Variants in SYN3 observed in about 807,000 individuals in gnomAD.
The protein encoded by SYN3 is synapsin III, also known as synapsin-3.
Under a neutral mutation model 65.8 loss-of-function variants are expected in SYN3, and 35 were observed. That is an observed-to-expected ratio of 0.53 (90% confidence interval 0.41 to 0.70). The LOEUF (loss-of-function observed/expected upper bound fraction) is 0.70. Among genes scored for constraint, SYN3 ranks in the 30% least tolerant of loss-of-function variants. The pLI is 0.00. For synonymous variants in SYN3, 270 were observed against 292.9 expected, an observed-to-expected ratio of 0.92 and a Z score of 0.80; for missense variants, 680 against 749.0, an observed-to-expected ratio of 0.91 and a Z score of 1.08.
chr22:33,006,431 T>A lies in SYN3; in HGVS notation c.232A>T (p.Met78Leu). The A allele has an allele frequency of 2.5e-6, 4 of 1,614,170 alleles. No individual in the cohort carries two copies. The highest frequency in any genetic ancestry group is 3.4e-6 in the Non-Finnish European group (4 of 1,180,024). The change falls in exon 2 of 14, where the codon ATG (methionine) becomes TTG (leucine). Residue 78 changes from methionine to leucine, a missense_variant. Met to Leu is a conservative substitution (Grantham distance 15, BLOSUM62 2). Coordinates refer to ENST00000358763, the MANE Select transcript of SYN3 (RefSeq NM_003490.4). ...KQAPQATSGL[M>L]EPPGPSTPIV... ...GGCGTGGAGGGACCTGGAGGCTCCA[T>A]CAGTCCTGAGGTGGCCTGAGGGGCC...
chr22:32,659,215 G>T (rs2146991990), intron 6 of SYN3, among the ~76,000 whole-genome samples: 1 of 152,242 alleles, frequency 6.6e-6, no homozygotes, highest in Middle Eastern at 3.4e-3. Flanking sequence ...AAGATATTTA[G>T]ATTTTATCTA....
At chr22:32,606,283 G>A (rs1205886424) in intron 6 of SYN3, among the ~76,000 whole-genome samples, 2 of 152,170 alleles carry the variant, frequency 1.3e-5, no homozygotes, top group Non-Finnish European at 2.9e-5. Flanking sequence ...GACAGAAATG[G>A]GGCAGCCCGG....
At chr22:32,523,785 C>T (rs993042187) in intron 12 of SYN3, among the ~76,000 whole-genome samples, 7 of 152,178 alleles carry the variant, frequency 4.6e-5, no homozygotes, top group Non-Finnish European at 8.8e-5. Flanking sequence ...TGTTGAAAGC[C>T]AAGACAAGCT....
At chr22:32,529,407 A>C (rs1432158210) in intron 10 of SYN3, among the ~76,000 whole-genome samples, 4 of 152,126 alleles carry the variant, frequency 2.6e-5, no homozygotes, top group Non-Finnish European at 5.9e-5. Context: ...AAGCAGAAAC[A>C]GTAAAGGTGG....
At chr22:33,034,182 T>G (rs191815299) in intron 1 of SYN3, among the ~76,000 whole-genome samples, 3 of 141,992 alleles carry the variant, frequency 2.1e-5, no homozygotes, top group Non-Finnish European at 4.6e-5. Context: ...CAAGACTCTG[T>G]GTTAAAAAAA....
intron 4 of SYN3, among the ~76,000 whole-genome samples, chr22:32,887,439 C>T (rs570773127): frequency 6.6e-6 from 1 of 151,960 alleles, no homozygotes; most frequent in East Asian, 1.9e-4. Flanking sequence ...GAAGCCAAGG[C>T]CCTTAATCTC....
At chr22:32,517,490 G>C (rs1206759230) in intron 13 of SYN3, among the ~76,000 whole-genome samples, 1 of 152,208 alleles carries the variant, frequency 6.6e-6, no homozygotes, top group Non-Finnish European at 1.5e-5. Context: ...AGAGTTGCCA[G>C]ATTTAGCGAA....
intron 10 of SYN3, among the ~76,000 whole-genome samples, chr22:32,532,010 C>G (rs62232674): frequency 2.7e-5 from 4 of 146,762 alleles, no homozygotes; most frequent in African/African-American, 1.0e-4. Flanking sequence ...TTTTTTTTCC[C>G]TAAGACTGAA....
chr22:32,903,943 T>A (rs1163111766), intron 4 of SYN3, among the ~76,000 whole-genome samples: 1 of 152,214 alleles, frequency 6.6e-6, no homozygotes, highest in Non-Finnish European at 1.5e-5. Flanking sequence ...CCAGGCCCAG[T>A]ACATAGTAGT....
At chr22:32,862,966 T>C (rs2048587284) in intron 6 of SYN3, 3 of 152,678 alleles carry the variant, frequency 2.0e-5, no homozygotes, top group Admixed American at 2.0e-4. Context: ...TATATTGTCT[T>C]GTAATGTTGC....
Position 32,864,948 on chromosome 22 carries a change from C to T in SYN3, c.678G>A (p.Val226=). ...TATGGTTGGGGAAAAATGTTTGCTC[C>T]ACAAGCGGGAACTTCTCAGGACCCA... ...HSLGPEKFPL[V]EQTFFPNHKP... The change falls in exon 6 of 14, where the codon GTG becomes GTA. Residue 226 remains valine (V), a synonymous_variant. Coordinates refer to ENST00000358763, the MANE Select transcript of SYN3 (RefSeq NM_003490.4). 1 of 1,614,094 alleles carries T rather than the reference C, an allele frequency of 6.2e-7. No homozygotes were observed. The highest frequency in any genetic ancestry group is 8.5e-7 in the Non-Finnish European group (1 of 1,179,998).
At chr22:32,927,287 A>C (rs2050500563) in intron 4 of SYN3, among the ~76,000 whole-genome samples, 1 of 147,376 alleles carries the variant, frequency 6.8e-6, no homozygotes, top group South Asian at 2.1e-4. Context: ...TTTTTGAGAC[A>C]AGATGTTTCT....
chr22:32,627,681 A>G (rs2059687699), intron 6 of SYN3, among the ~76,000 whole-genome samples: 1 of 152,138 alleles, frequency 6.6e-6, no homozygotes, highest in Non-Finnish European at 1.5e-5. Flanking sequence ...ACACAGAGAC[A>G]TGCTCGGAAA....
intron 6 of SYN3, among the ~76,000 whole-genome samples, chr22:32,820,175 C>T (rs953221636): frequency 1.3e-5 from 2 of 152,020 alleles, no homozygotes; most frequent in African/African-American, 4.8e-5. Flanking sequence ...GCTCCTGTGC[C>T]CAAGCCCTTC....
intron 6 of SYN3, among the ~76,000 whole-genome samples, chr22:32,604,569 G>C (rs5754165): frequency 8.4e-6 from 1 of 119,642 alleles, no homozygotes; most frequent in Non-Finnish European, 1.9e-5. Context: ...TTCTAGGCCA[G>C]TCCCGTCTCA....
chr22:32,708,737 G>A (rs2060913775), intron 6 of SYN3, among the ~76,000 whole-genome samples: 1 of 152,210 alleles, frequency 6.6e-6, no homozygotes. Context: ...TCTTCCAAGA[G>A]GAAGGCACCC....
intron 2 of SYN3, among the ~76,000 whole-genome samples, chr22:32,992,035 A>C (rs994131925): frequency 6.6e-6 from 1 of 152,140 alleles, no homozygotes; most frequent in Non-Finnish European, 1.5e-5. Context: ...GCTCAAGAAG[A>C]CCCGTGCATC....
chr22:32,513,904 G>A, intron 13 of SYN3, 80 bp from the exon 14 acceptor site: 1 of 1,562,134 alleles, frequency 6.4e-7, no homozygotes, highest in Non-Finnish European at 8.7e-7. Context: ...TTGCCTGTAA[G>A]CCAGATGGGC....
intron 2 of SYN3, among the ~76,000 whole-genome samples, chr22:32,987,490 A>G (rs2052561875): frequency 6.6e-6 from 1 of 152,140 alleles, no homozygotes; most frequent in Non-Finnish European, 1.5e-5. Context: ...AGAGGGAGGA[A>G]CCGCCCCCTC....
Sources: gnomAD v4.1 joint callset for allele counts (sites outside exome capture counted in the v4.1 genomes callset) on GRCh38, gnomAD v4.1.1 for gene constraint, MANE v1.5 for transcripts, NCBI Gene and HGNC (gene_info 2026-07-23, HGNC 2026-07-21) for gene names.